PRR4: variants seen among roughly 807,000 people sequenced by gnomAD.
PRR4 encodes the protein proline-rich protein 4.
In PRR4, 7 loss-of-function variants were observed where a neutral mutation model predicts 7.6. The ratio of observed to expected loss-of-function variants is 0.92; its 90% CI spans 0.52 to 1.73. The LOEUF is 1.73. Ranked by LOEUF, PRR4 falls within the 40% of genes most tolerant of loss-of-function variation. The pLI, the probability that PRR4 is intolerant of heterozygous loss-of-function variation, is 0.00. For synonymous variants in PRR4, 64 were observed against 58.5 expected (o/e 1.09, Z -0.43); for missense variants, 187 against 161.0 (o/e 1.16, Z -0.87).
intron 1 of PRR4, 60 bp downstream of exon 1, chr12:10,849,314 A>G (rs1279518881): frequency 1.8e-6 from 2 of 1,097,680 alleles, no homozygotes; most frequent in Non-Finnish European, 2.6e-6. Flanking sequence ...GAGGCCCTAG[A>G]AGAGTCATGG....
chr12:10,847,116 A>C lies in PRR4; in HGVS notation c.352T>G (p.Phe118Val). ...CTTGCTGGTCTGTCCCTCTGGAAGA[A>C]TGATGATGCTTCCTGCAGGCTGACA... The part of the protein sequence containing the change: ...PSVSLQEASS[F>V]FQRDRPARHP... The change falls in exon 3 of 4, where the codon TTC becomes GTC. Residue 118 changes from phenylalanine (F) to valine (V), a missense_variant. By Grantham distance (50) the Phe-to-Val change is conservative. Coordinates refer to ENST00000228811, the MANE Select transcript of PRR4 (RefSeq NM_007244.3). 1 of 1,612,766 alleles carries C rather than the reference A, an allele frequency of 6.2e-7. No individual in the cohort carries two copies. Among genetic ancestry groups the C allele is most frequent in the Non-Finnish European group, 8.5e-7 (1 of 1,179,208 alleles).
chr12:10,848,387 T>TAA lies in PRR4; in HGVS notation c.83_84dup (p.Thr29LeufsTer8). 6.2e-7 allele frequency: 1 copy of TAA among 1,611,030 alleles called. No individual in the cohort carries two copies. The highest frequency in any genetic ancestry group is 1.1e-5 in the South Asian group (1 of 90,912). The stretch of plus-strand genomic sequence containing the variant: ...TGGGATTTACCTGGTATGGTGAAAG[T>TAA]AAAGTCTTCATAGTTCACATCTAGG... On this transcript the variant is annotated frameshift_variant, in exon 2 of 4. Transcript: ENST00000228811. LOFTEE classifies it high-confidence loss of function.
chr12:10,846,093 G>T, intron 3 of PRR4, 143 bp from the exon 4 acceptor site: 1 of 567,344 alleles, frequency 1.8e-6, no homozygotes, highest in Non-Finnish European at 2.7e-6. Flanking sequence ...TTATGTTTTG[G>T]TTACTGTTCA....
In PRR4 at chr12:10,847,034, T is replaced by A. The variant is rs769701456; in HGVS notation, c.*18+11A>T. 1.6e-5 allele frequency: 25 copies of A among 1,530,606 alleles called. No individual in the cohort carries two copies. In the East Asian group the frequency reaches 4.6e-4, roughly 28 times the overall value. 94.8% of individuals were successfully genotyped at this position (1,530,606 alleles called of 1,614,324 possible). ...TTTGGGCATTTAATGGAGAATGAAC[T>A]GGAATCATACCTGCCACTGAATTCT... is the stretch of plus-strand genomic sequence containing the variant. On this transcript the variant is annotated intron_variant, in intron 3 of 3. Coordinates refer to ENST00000228811, the MANE Select transcript of PRR4 (RefSeq NM_007244.3).
rs1267134160 is a variant in PRR4 at position 10,848,357 on chromosome 12, A to C, written c.100+15T>G. Reference sequence around the variant, plus strand: ...AAGAAAGAAAAGAATTGGATTGAGGATCATTGGGATTTACCTGGTATGGTG... The same window carrying C: ...AAGAAAGAAAAGAATTGGATTGAGGCTCATTGGGATTTACCTGGTATGGTG... On this transcript the variant is annotated intron_variant, in intron 2 of 3. Transcript: ENST00000228811. 10 of 1,599,114 alleles carry C rather than the reference A, an allele frequency of 6.3e-6. No individual in the cohort carries two copies. Among genetic ancestry groups the C allele is most frequent in the Non-Finnish European group, 8.6e-6 (10 of 1,167,070 alleles).
At chr12:10,845,988 A>G (rs540414197) in intron 3 of PRR4, 38 bp from the exon 4 acceptor site, 11 of 1,268,556 alleles carry the variant, frequency 8.7e-6, no homozygotes, top group Middle Eastern at 2.0e-4. Context: ...TTTATACACA[A>G]CATACAACAT....
In PRR4 at chr12:10,849,178, C is replaced by T. The variant is rs184076028; in HGVS notation, c.64+196G>A. 1.9e-3 allele frequency: 575 copies of T among 298,790 alleles called. 2 individuals carry two copies. The highest frequency in any genetic ancestry group is 4.5e-4 in the Non-Finnish European group (71 of 158,506). The allele number at this position is 298,790 out of a possible 1,614,324, so 18.5% of individuals were successfully genotyped here. On this transcript the variant is annotated intron_variant, in intron 1 of 3. Coordinates refer to ENST00000228811, the MANE Select transcript of PRR4 (RefSeq NM_007244.3). Reference sequence around the variant, plus strand: ...AGTGTATATCAAATAAAGTATAAGGCCTTGGCATGGAATGAGGGCACAACA... The same window carrying T: ...AGTGTATATCAAATAAAGTATAAGGTCTTGGCATGGAATGAGGGCACAACA...
chr12:10,846,831 G>A (rs1335547227), intron 3 of PRR4, among the ~76,000 whole-genome samples: 1 of 152,116 alleles, frequency 6.6e-6, no homozygotes, highest in Admixed American at 6.5e-5. Flanking sequence ...AAAAAGTTGG[G>A]GAGGTCAGTA....
Position 10,847,070 on chromosome 12 carries a change from A to G in PRR4, c.398T>C (p.Leu133Pro), listed in dbSNP as rs755575278. 6.3e-6 allele frequency: 10 copies of G among 1,580,140 alleles called. No individual in the cohort carries two copies. The South Asian group carries it at 1.2e-4, about 18-fold the overall frequency. Reference protein sequence around the residue: ...RPARHPQEQPLW With the variant: ...RPARHPQEQPPW ...CTGCCACTGAATTCTAGATTACCAG[A>G]GTGGTTGCTCCTGGGGATGTCTTGC... Residue 133 changes from leucine (L) to proline (P), a missense_variant, in exon 3 of 4, where the codon CTC (leucine) becomes CCC (proline). Transcript: ENST00000228811.
At chr12:10,848,077 T>C (rs1252889943) in intron 2 of PRR4, among the ~76,000 whole-genome samples, 2 of 152,154 alleles carry the variant, frequency 1.3e-5, no homozygotes, top group African/African-American at 2.4e-5. Context: ...ACACTTCTCA[T>C]TTGTTCATCA....
Position 10,847,295 on chromosome 12 carries a change from G to A in PRR4, c.173C>T (p.Pro58Leu), listed in dbSNP as rs1346658381. 6.2e-7 allele frequency: 1 copy of A among 1,607,644 alleles called. No individual in the cohort carries two copies. The highest frequency in any genetic ancestry group is 8.5e-7 in the Non-Finnish European group (1 of 1,175,978). Residue 58 changes from proline to leucine, a missense_variant, in exon 3 of 4, where the codon CCC becomes CTC. Transcript: ENST00000228811. ...RPPPEGLLPRPPGDSGNQDDG... is the reference protein window; with the variant it reads ...RPPPEGLLPRLPGDSGNQDDG... The stretch of plus-strand genomic sequence containing the variant: ...ATCTTGGTTACCACTATCACCAGGG[G>A]GTCTAGGTAGGAGTCCTTCAGGAGG...
Position 10,847,094 on chromosome 12 carries a change from G to T in PRR4, c.374C>A (p.Ala125Glu), listed in dbSNP as rs1421829651. Residue 125 changes from alanine (A) to glutamate (E), a missense_variant, in exon 3 of 4, where the codon GCA becomes GAA. Ala to Glu is a moderately radical substitution (Grantham distance 107). Transcript: ENST00000228811. ...ASSFFQRDRP[A>E]RHPQEQPLW ...GAGTGGTTGCTCCTGGGGATGTCTTGCTGGTCTGTCCCTCTGGAAGAATGA... is the reference window on the plus strand; with the variant it reads ...GAGTGGTTGCTCCTGGGGATGTCTTTCTGGTCTGTCCCTCTGGAAGAATGA... 1 of 1,603,386 alleles carries T rather than the reference G, an allele frequency of 6.2e-7. No homozygotes were observed. Among genetic ancestry groups the T allele is most frequent in the Non-Finnish European group, 8.5e-7 (1 of 1,173,318 alleles).
At chr12:10,848,541 G>T in intron 1 of PRR4, 134 bp from the exon 2 acceptor site, 1 of 697,096 alleles carries the variant, frequency 1.4e-6, no homozygotes. Flanking sequence ...CATGTTCTGT[G>T]AAGCTGCTGG....
rs756441195 is a variant in PRR4 at position 10,845,968 on chromosome 12, A to C, written c.*19-18T>G. On this transcript the variant is annotated intron_variant, in intron 3 of 3. Coordinates refer to ENST00000228811, the MANE Select transcript of PRR4 (RefSeq NM_007244.3). ...TTTATTTTCTGAAACAAAAAAAAAA[A>C]CCAAGGAAATTTATACACAACATAC... The C allele has an allele frequency of 1.1e-5, 15 of 1,330,794 alleles. No homozygotes were observed. In the South Asian group the frequency reaches 2.0e-4, roughly 17 times the overall value. 82.4% of individuals were successfully genotyped at this position (1,330,794 alleles called of 1,614,324 possible).
rs781631944 is a variant in PRR4 at position 10,847,108 on chromosome 12, CT to C, written c.359del (p.Gln120ArgfsTer24). The C allele has an allele frequency of 4.3e-6, 7 of 1,610,662 alleles. No individual in the cohort carries two copies. The African/African-American group carries it at 8.0e-5, about 18-fold the overall frequency. ...VSLQEASSFFQRDRPARHPQE... is the reference protein window; with the variant it reads ...VSLQEASSFFXRDRPARHPQE... The stretch of plus-strand genomic sequence containing the variant: ...GGGGATGTCTTGCTGGTCTGTCCCT[CT>C]GGAAGAATGATGATGCTTCCTGCAG... On this transcript the variant is annotated frameshift_variant, in exon 3 of 4. Coordinates refer to ENST00000228811, the MANE Select transcript of PRR4 (RefSeq NM_007244.3). LOFTEE classifies it low-confidence loss of function (END_TRUNC).
chr12:10,845,926 A>G lies in PRR4; in HGVS notation c.*43T>C. On this transcript the variant is annotated 3_prime_UTR_variant, in exon 4 of 4. Transcript: ENST00000228811. ...TTATTTCAATGTCATGGCTTTCTGA[A>G]GGAAGTTATCTTCTTATTTATTTTC... 7.5e-7 allele frequency: 1 copy of G among 1,337,766 alleles called. No homozygotes were observed. The highest frequency in any genetic ancestry group is 1.5e-5 in the African/African-American group (1 of 66,996). 82.9% of individuals were successfully genotyped at this position (1,337,766 alleles called of 1,614,324 possible).
Position 10,849,467 on chromosome 12 carries a change from C to G in PRR4, c.-30G>C. ...AAGGAGGCTCTGGAGTTGCTCCCAA[C>G]TCTGCGTTGAGAGAAACATGGCAGC... On this transcript the variant is annotated 5_prime_UTR_variant, in exon 1 of 4. Transcript: ENST00000228811. 1 of 1,557,410 alleles carries G rather than the reference C, an allele frequency of 6.4e-7. No homozygotes were observed. The highest frequency in any genetic ancestry group is 1.2e-5 in the South Asian group (1 of 84,210).
chr12:10,847,764 A>C (rs755053271), intron 2 of PRR4, among the ~76,000 whole-genome samples: 9 of 151,844 alleles, frequency 5.9e-5, no homozygotes, highest in Non-Finnish European at 8.8e-5. Flanking sequence ...CTGTGACTCC[A>C]TCTCTGGGCA....
rs1404574473 is a variant in PRR4, at chr12:10,847,267, A to G, written c.201T>C (p.Asp67=). 3 of 1,611,788 alleles carry G rather than the reference A, an allele frequency of 1.9e-6. No individual in the cohort carries two copies. Among genetic ancestry groups the G allele is most frequent in the South Asian group, 2.2e-5 (2 of 90,642 alleles). Residue 67 remains aspartate (D), a synonymous_variant, in exon 3 of 4, where the codon GAT becomes GAC. Transcript: ENST00000228811. Reference sequence around the variant, plus strand: ...GTTTTGGTGGTCTCTGCTGAGGACCATCATCTTGGTTACCACTATCACCAG... The same window carrying G: ...GTTTTGGTGGTCTCTGCTGAGGACCGTCATCTTGGTTACCACTATCACCAG... ...RPPGDSGNQD[D]GPQQRPPKPG...
Sources: gnomAD v4.1 joint callset for allele counts (sites outside exome capture counted in the v4.1 genomes callset) on GRCh38, gnomAD v4.1.1 for gene constraint, MANE v1.5 for transcripts, NCBI Gene and HGNC (gene_info 2026-07-23, HGNC 2026-07-21) for gene names.